Variants in NAV2 observed in about 807,000 individuals in gnomAD.
NAV2 encodes the protein helicase, APC down-regulated 1.
NAV2 carries 54 observed loss-of-function variants against 223.2 expected under a neutral mutation model. The observed-to-expected ratio is 0.24, with a 90% confidence interval of 0.19 to 0.30. The LOEUF (loss-of-function observed/expected upper bound fraction) is 0.30, where lower values mean the gene tolerates loss of function less well. Ranked by LOEUF, NAV2 falls within the 10% of genes least tolerant of loss-of-function variation. The pLI, the probability that NAV2 is intolerant of heterozygous loss-of-function variation, is 1.00. For missense variants in NAV2, 2,806 were observed against 3,147.5 expected (o/e 0.89, Z 2.60); for synonymous variants, 1,279 against 1,239.3 (o/e 1.03, Z -0.67).
chr11:19,454,893 A>C (rs1851908632), intron 1 of NAV2, among the ~76,000 whole-genome samples: 1 of 152,242 alleles, frequency 6.6e-6, no homozygotes, highest in African/African-American at 2.4e-5. Context: ...TTCAGGGAGC[A>C]AAAAGAAGGT....
At chr11:19,899,469 C>T (rs1241455189) in intron 6 of NAV2, among the ~76,000 whole-genome samples, 1 of 152,184 alleles carries the variant, frequency 6.6e-6, no homozygotes, top group East Asian at 1.9e-4. Context: ...CCAAGTCATG[C>T]AGACAAAAGT....
intron 1 of NAV2, among the ~76,000 whole-genome samples, chr11:19,742,985 A>T (rs549586363): frequency 6.6e-6 from 1 of 152,354 alleles, no homozygotes; most frequent in South Asian, 2.1e-4. Context: ...TTGAAGGTCC[A>T]CTTCTACCTG....
At chr11:19,999,854 T>C (rs983850593) in intron 11 of NAV2, among the ~76,000 whole-genome samples, 1 of 152,230 alleles carries the variant, frequency 6.6e-6, no homozygotes, top group African/African-American at 2.4e-5. Context: ...CCTTGATCAA[T>C]GGCAGCAATT....
intron 1 of NAV2, among the ~76,000 whole-genome samples, chr11:19,537,585 T>C (rs1254438521): frequency 6.6e-6 from 1 of 152,228 alleles, no homozygotes; most frequent in Non-Finnish European, 1.5e-5. Context: ...ATTATTTCAG[T>C]GACAGGCTTT....
intron 10 of NAV2, among the ~76,000 whole-genome samples, chr11:19,956,904 G>T (rs927137959): frequency 6.6e-6 from 1 of 152,058 alleles, no homozygotes; most frequent in Non-Finnish European, 1.5e-5. Flanking sequence ...GGTTTGTCTC[G>T]CAACCAGCTC....
At chr11:19,760,811 T>C (rs2152540021) in intron 1 of NAV2, among the ~76,000 whole-genome samples, 2 of 152,032 alleles carry the variant, frequency 1.3e-5, no homozygotes, top group African/African-American at 4.8e-5. Flanking sequence ...TAGGGAAAAG[T>C]AGGGAGAAAA....
chr11:19,777,622 C>T, intron 1 of NAV2: 1 of 435,612 alleles, frequency 2.3e-6, no homozygotes, highest in Admixed American at 2.5e-5. Context: ...GTGGAAAGCC[C>T]CTGAAATGCA....
intron 19 of NAV2, chr11:20,056,714 T>A: frequency 1.2e-6 from 1 of 836,926 alleles, no homozygotes; most frequent in Non-Finnish European, 2.0e-6. Flanking sequence ...CAATGCTCAT[T>A]AACCAATGAT....
At chr11:20,053,677 A>G (rs1055623348) in intron 17 of NAV2, among the ~76,000 whole-genome samples, 9 of 152,324 alleles carry the variant, frequency 5.9e-5, no homozygotes, top group African/African-American at 2.2e-4. Context: ...GTGTTGTAGA[A>G]TGGCAGATGC....
chr11:19,712,489 G>A (rs1404597005), upstream of NAV2: 1 of 152,240 alleles, frequency 6.6e-6, no homozygotes, highest in Non-Finnish European at 1.5e-5. Context: ...CCGTTAAGGT[G>A]ACCGGAGCAA....
At chr11:20,007,971 C>T (rs569731744) in intron 11 of NAV2, among the ~76,000 whole-genome samples, 7 of 152,350 alleles carry the variant, frequency 4.6e-5, no homozygotes, top group African/African-American at 1.7e-4. Flanking sequence ...TCATACTTTA[C>T]CCCTTGTAGA....
In NAV2 at chr11:19,934,091, TG is replaced by T; in HGVS notation, c.1849del (p.Ala617ArgfsTer13). Reference sequence around the variant, plus strand: ...AGACACTCCAGTTCCTCTTCCAGCCTGGCGTCCTCAGAAGGAAAAGGCCCAG... The same window carrying T: ...AGACACTCCAGTTCCTCTTCCAGCCTGCGTCCTCAGAAGGAAAAGGCCCAG... The part of the protein sequence containing the change: ...DGRHSSSSSS[L>X]ASSEGKGPGG... On this transcript the variant is annotated frameshift_variant, in exon 7 of 38. Coordinates refer to ENST00000349880, the MANE Select transcript of NAV2 (RefSeq NM_145117.5). LOFTEE classifies it high-confidence loss of function. 6.2e-7 allele frequency: 1 copy of T among 1,612,994 alleles called. No homozygotes were observed. The highest frequency in any genetic ancestry group is 8.5e-7 in the Non-Finnish European group (1 of 1,179,518).
chr11:19,868,655 TG>T (rs1431032063), intron 3 of NAV2, among the ~76,000 whole-genome samples: 1 of 152,196 alleles, frequency 6.6e-6, no homozygotes, highest in African/African-American at 2.4e-5. Flanking sequence ...ATTGCACTGG[TG>T]GTGACAGTGA....
intron 2 of NAV2, among the ~76,000 whole-genome samples, chr11:19,839,909 T>A (rs950846182): frequency 2.6e-5 from 4 of 152,230 alleles, no homozygotes; most frequent in African/African-American, 9.6e-5. Flanking sequence ...ACTTTGGGGA[T>A]AAGTGCCTTT....
chr11:19,475,912 G>A (rs978987249), intron 1 of NAV2, among the ~76,000 whole-genome samples: 5 of 152,250 alleles, frequency 3.3e-5, no homozygotes, highest in African/African-American at 9.6e-5. Context: ...AGGCATTCCT[G>A]TTAGCCTCAG....
In NAV2 at chr11:19,996,780, T is replaced by G. The variant is rs1196555440; in HGVS notation, c.2768+12533T>G. ...CTCGTCCACTGTGCTCTTTGATTTA[T>G]CTTCCTCATTAATCTGTGGCGCTCA... On this transcript the variant is annotated intron_variant, in intron 11 of 37. Coordinates refer to ENST00000349880, the MANE Select transcript of NAV2 (RefSeq NM_145117.5). Among the ~76,000 whole-genome samples the G allele has an allele frequency of 2.0e-5, 3 of 152,324 alleles. No homozygotes were observed. In the East Asian group the frequency reaches 5.8e-4, roughly 29 times the overall value.
At chr11:19,426,239 A>T (rs561931955) in intron 1 of NAV2, among the ~76,000 whole-genome samples, 1 of 152,126 alleles carries the variant, frequency 6.6e-6, no homozygotes, top group Non-Finnish European at 1.5e-5. Context: ...CTAGATGTAA[A>T]GTGTTGTTTC....
At chr11:19,884,356 T>G (rs201110795) in intron 5 of NAV2, 1 of 1,613,410 alleles carries the variant, frequency 6.2e-7, no homozygotes, top group East Asian at 2.2e-5. Context: ...CAGAAAAAGA[T>G]CTCTAGGTTA....
At chr11:20,007,358 G>C (rs1458442540) in intron 11 of NAV2, among the ~76,000 whole-genome samples, 2 of 152,202 alleles carry the variant, frequency 1.3e-5, no homozygotes, top group Non-Finnish European at 2.9e-5. Flanking sequence ...TAACAGTTTT[G>C]AAAATGAGAC....
Sources: gnomAD v4.1 joint callset for allele counts (sites outside exome capture counted in the v4.1 genomes callset) on GRCh38, gnomAD v4.1.1 for gene constraint, MANE v1.5 for transcripts, NCBI Gene and HGNC (gene_info 2026-07-23, HGNC 2026-07-21) for gene names.